CR1: variants seen among roughly 807,000 people sequenced by gnomAD.
CR1 encodes the protein complement receptor type 1.
A neutral mutation model predicts 187.3 loss-of-function variants in CR1; 116 were observed. That is an observed-to-expected ratio of 0.62 (90% CI 0.53 to 0.72). The LOEUF (loss-of-function observed/expected upper bound fraction) is 0.72. Ranked by LOEUF, CR1 falls within the 30% of genes least tolerant of loss-of-function variation. The pLI is 0.00. For missense variants in CR1, 1,731 were observed against 2,110.7 expected, an observed-to-expected ratio of 0.82 and a Z score of 3.52; for synonymous variants, 576 against 747.1, an observed-to-expected ratio of 0.77 and a Z score of 3.73.
chr1:207,496,530 C>A (rs1659092439), intron 1 of CR1, 142 bp downstream of exon 1: 2 of 803,838 alleles, frequency 2.5e-6, no homozygotes, highest in African/African-American at 1.9e-5. Flanking sequence ...GAGCGCGCGA[C>A]CCGGCAGGGC....
rs911034952 is a variant in CR1 at position 207,640,431 on chromosome 1, G to T, written c.*1022G>T. ...ATTACAGGCATGAGCCACCGCGCCT[G>T]GCCGCTTTCGATATTTTCTAAACTT... On this transcript the variant is annotated 3_prime_UTR_variant, in exon 47 of 47. Coordinates refer to ENST00000367049, the MANE Select transcript of CR1 (RefSeq NM_000651.6). The T allele has an allele frequency of 6.6e-6, 1 of 152,172 alleles. No individual in the cohort carries two copies. The highest frequency in any genetic ancestry group is 1.5e-5 in the Non-Finnish European group (1 of 68,042). The allele number at this position is 152,172 out of a possible 1,614,324, so 9.4% of individuals were successfully genotyped here.
rs76277660 is a variant in CR1 at position 207,619,274 on chromosome 1, C to A, written c.7067-606C>A. ...GGTACATGCCTGTCGTCCCACCTAC[C>A]CGGGAGGCTGAAGCAGGAGAATTGC... is the stretch of plus-strand genomic sequence containing the variant. On this transcript the variant is annotated intron_variant, in intron 42 of 46. Transcript: ENST00000367049. Among the ~76,000 whole-genome samples, 3 of 149,490 alleles carry A rather than the reference C, an allele frequency of 2.0e-5. No homozygotes were observed. In the South Asian group the frequency reaches 6.3e-4, roughly 31 times the overall value.
intron 46 of CR1, among the ~76,000 whole-genome samples, chr1:207,635,049 A>G (rs1367524922): frequency 6.6e-6 from 1 of 152,148 alleles, no homozygotes; most frequent in Admixed American, 6.5e-5. Flanking sequence ...TCTATGTCCT[A>G]CATAGCAGCC....
rs190293293 is a variant in CR1, at chr1:207,600,570, G to A, written c.5811-6681G>A. ...TTAAAAATTCAAAGTTTTAGAAAACGGAGTACCTTAGATCTTGATCAAAGA... is the reference window on the plus strand; with the variant it reads ...TTAAAAATTCAAAGTTTTAGAAAACAGAGTACCTTAGATCTTGATCAAAGA... On this transcript the variant is annotated intron_variant, in intron 35 of 46. Transcript: ENST00000367049. 67 of 152,186 alleles carry A rather than the reference G, an allele frequency of 4.4e-4. 2 individuals are homozygous for A. Among genetic ancestry groups the A allele is most frequent in the African/African-American group, 1.5e-3 (63 of 41,534 alleles). The allele number at this position is 152,186 out of a possible 1,614,324, so 9.4% of individuals were successfully genotyped here.
Position 207,618,210 on chromosome 1 carries a change from C to G in CR1, c.7029C>G (p.Asp2343Glu). 6.2e-7 allele frequency: 1 copy of G among 1,613,718 alleles called. No homozygotes were observed. Among genetic ancestry groups the G allele is most frequent in the South Asian group, 1.1e-5 (1 of 91,038 alleles). Residue 2343 changes from aspartate (D) to glutamate (E), a missense_variant, in exon 42 of 47, where the codon GAC becomes GAG. This residue lies in a region of CR1 where 1,312 missense variants were observed against 1,379.6 expected (regional missense o/e 0.95). Coordinates refer to ENST00000367049, the MANE Select transcript of CR1 (RefSeq NM_000651.6). Reference sequence around the variant, plus strand: ...GAAAGGGCTTCATTTTCTGTACAGACCAGGGAATCTGGAGCCAATTGGATC... The same window carrying G: ...GAAAGGGCTTCATTTTCTGTACAGAGCAGGGAATCTGGAGCCAATTGGATC... ...LVGKGFIFCT[D>E]QGIWSQLDHY...
intron 4 of CR1, among the ~76,000 whole-genome samples, chr1:207,516,739 T>TG (rs1230872230): frequency 6.6e-6 from 1 of 152,182 alleles, no homozygotes; most frequent in African/African-American, 2.4e-5. Context: ...TGACATATTA[T>TG]TTTTAAAATT....
intron 46 of CR1, among the ~76,000 whole-genome samples, chr1:207,631,719 T>A (rs1662651308): frequency 6.6e-6 from 1 of 152,228 alleles, no homozygotes; most frequent in Admixed American, 6.5e-5. Flanking sequence ...AGCAATTTAT[T>A]TGGCTCTGGC....
At position 207,620,077 on chromosome 1, in the gene CR1, T is replaced by A. The variant is rs765400057; in HGVS notation, c.7252+12T>A. On this transcript the variant is annotated intron_variant, in intron 43 of 46. Transcript: ENST00000367049. ...CAAATGTACCTCTCGTAAGTGCAAG[T>A]GCAAGGAATGTGGGATCTTCCCGGT... 1 of 1,602,698 alleles carries A rather than the reference T, an allele frequency of 6.2e-7. No homozygotes were observed. Among genetic ancestry groups the A allele is most frequent in the Admixed American group, 1.8e-5 (1 of 56,660 alleles).
At chr1:207,575,232 C>CACAG (rs1491413541) in intron 27 of CR1, among the ~76,000 whole-genome samples, 2 of 143,324 alleles carry the variant, frequency 1.4e-5, no homozygotes, top group African/African-American at 5.4e-5. Flanking sequence ...CACACACACA[C>CACAG]AAATTAAGTG....
chr1:207,632,168 CTTAT>C (rs930128440), intron 46 of CR1, among the ~76,000 whole-genome samples: 3 of 152,100 alleles, frequency 2.0e-5, no homozygotes, highest in Admixed American at 6.5e-5. Flanking sequence ...TTGCTTCTAG[CTTAT>C]TTGTCATTAC....
chr1:207,563,842 T>A (rs1259412118), intron 21 of CR1, 22 bp from the exon 22 acceptor site: 1 of 1,401,058 alleles, frequency 7.1e-7, no homozygotes, highest in Non-Finnish European at 9.3e-7. Context: ...CAATTAGCTG[T>A]ACTTTGTTTC....
chr1:207,613,864 T>C (rs570667315), intron 39 of CR1, among the ~76,000 whole-genome samples: 1 of 152,204 alleles, frequency 6.6e-6, no homozygotes, highest in East Asian at 1.9e-4. Flanking sequence ...CTTTTTTTCT[T>C]AGAGCACGTG....
intron 4 of CR1, among the ~76,000 whole-genome samples, chr1:207,518,704 A>G (rs6656401): frequency 0.87 from 132,387 of 152,188 alleles, 58,029 homozygotes; most frequent in African/African-American, 0.97. Flanking sequence ...CCATCTTCTC[A>G]TCGCCTTCTC....
chr1:207,567,948 C>T lies in CR1; in HGVS notation c.4077C>T (p.Ser1359=), dbSNP rs1261650650. ...TCDPHPDRGT[S]FDLIGESTIR... ...ACCCCCACCCAGACAGAGGGACGAG[C>T]TTCGACCTCATTGGAGAGAGCACCA... Residue 1359 remains serine, a synonymous_variant, in exon 25 of 47, where the codon AGC becomes AGT. Transcript: ENST00000367049. 1.9e-6 allele frequency: 3 copies of T among 1,610,458 alleles called. No homozygotes were observed. Among genetic ancestry groups the T allele is most frequent in the African/African-American group, 1.4e-5 (1 of 71,992 alleles).
At chr1:207,519,154 T>C (rs1659892864) in intron 4 of CR1, among the ~76,000 whole-genome samples, 1 of 152,158 alleles carries the variant, frequency 6.6e-6, no homozygotes, top group South Asian at 2.1e-4. Context: ...ATTGTTTTTA[T>C]ATTATATGTG....
chr1:207,504,411 T>C (rs981517458), intron 1 of CR1, among the ~76,000 whole-genome samples: 9 of 152,088 alleles, frequency 5.9e-5, no homozygotes, highest in Non-Finnish European at 1.3e-4. Context: ...TTTATAATCC[T>C]AATAACCTCA....
intron 44 of CR1, among the ~76,000 whole-genome samples, 155 bp downstream of exon 44, chr1:207,622,151 A>C (rs1299817300): frequency 1.3e-5 from 2 of 152,256 alleles, no homozygotes; most frequent in Admixed American, 6.5e-5. Flanking sequence ...AAAGAAAATA[A>C]TGATAAGTTA....
chr1:207,607,415 C>A lies in CR1; in HGVS notation c.5896+79C>A, dbSNP rs1471334307. On this transcript the variant is annotated intron_variant, in intron 36 of 46. Transcript: ENST00000367049. ...CTGGAGTACAAAGAATAAATTGAAT[C>A]CTTCTTGCACAAAGTAGTCTCTCAG... 8 of 1,040,694 alleles carry A rather than the reference C, an allele frequency of 7.7e-6. No homozygotes were observed. In the East Asian group the frequency reaches 1.7e-4, roughly 22 times the overall value. The allele number at this position is 1,040,694 out of a possible 1,614,324, so 64.5% of individuals were successfully genotyped here. A position where few individuals can be genotyped will look rare whatever the true frequency, so the allele number is the denominator to read the frequency against.
chr1:207,580,765 T>A (rs1211805187), intron 31 of CR1, among the ~76,000 whole-genome samples, 152 bp downstream of exon 31: 2 of 152,058 alleles, frequency 1.3e-5, no homozygotes, highest in Admixed American at 1.3e-4. Context: ...AGGTAGGGAC[T>A]AAGTGGCACT....
Sources: allele counts gnomAD v4.1 joint callset (sites outside exome capture counted in the v4.1 genomes callset), GRCh38; gene constraint gnomAD v4.1.1; regional missense constraint gnomAD v4.1.1; transcripts MANE v1.5; gene names NCBI Gene and HGNC (gene_info 2026-07-23, HGNC 2026-07-21).